Variants in RTN4R observed in about 807,000 individuals in gnomAD.
RTN4R encodes reticulon-4 receptor.
Under a neutral mutation model 27.7 loss-of-function variants are expected in RTN4R, and 4 were observed. The ratio of observed to expected loss-of-function variants is 0.14; its 90% CI spans 0.07 to 0.33. RTN4R has a LOEUF of 0.33. RTN4R is among the 10% of genes least tolerant of loss of function. RTN4R has a pLI of 1.00. For synonymous variants in RTN4R, 290 were observed against 305.6 expected (o/e 0.95, Z 0.53); for missense variants, 554 against 671.5 (o/e 0.83, Z 1.93).
chr22:20,267,967 C>A (rs1408290030), intron 1 of RTN4R, 104 bp downstream of exon 1: 4 of 641,576 alleles, frequency 6.2e-6, no homozygotes, highest in Non-Finnish European at 8.4e-6. Context: ...ACGCTTCCCT[C>A]GCCTCGGCAG....
intron 1 of RTN4R, chr22:20,243,351 C>G: frequency 1.4e-6 from 1 of 701,220 alleles, no homozygotes; most frequent in Non-Finnish European, 2.7e-6. Context: ...GCCACATCTG[C>G]AGACTCCCCA....
In RTN4R at chr22:20,255,317, G is replaced by A. The variant is rs950239465; in HGVS notation, c.23-12207C>T. ...TATCTTCCAGAAGGTGGAGACAAAT[G>A]TAGGTTAGAAGCAGGTGTCTCCAAG... On this transcript the variant is annotated intron_variant, in intron 1 of 1. Transcript: ENST00000043402. The surrounding 1 kb of genome is among the most constrained non-coding windows in gnomAD (Gnocchi z 4.8). Among the ~76,000 whole-genome samples the A allele has an allele frequency of 3.3e-5, 5 of 152,256 alleles. No homozygotes were observed. The highest frequency in any genetic ancestry group is 1.2e-4 in the African/African-American group (5 of 41,462).
chr22:20,267,635 C>T (rs1417999275), intron 1 of RTN4R: 2 of 468,106 alleles, frequency 4.3e-6, no homozygotes. Flanking sequence ...GTTCTGAGCC[C>T]AGACCGTGAG....
intron 1 of RTN4R, among the ~76,000 whole-genome samples, chr22:20,259,314 GGA>G (rs2051231090): frequency 6.6e-6 from 1 of 152,186 alleles, no homozygotes; most frequent in Non-Finnish European, 1.5e-5. Context: ...ATCTTTATGG[GGA>G]GAGTTTTTCT....
At chr22:20,260,138 G>A (rs1310729667) in intron 1 of RTN4R, among the ~76,000 whole-genome samples, 3 of 152,156 alleles carry the variant, frequency 2.0e-5, no homozygotes, top group Non-Finnish European at 4.4e-5. Flanking sequence ...GGCAGGGGAC[G>A]CACCCAGCTG....
At position 20,242,901 on chromosome 22, in the gene RTN4R, G is replaced by A. The variant is rs771911799; in HGVS notation, c.232C>T (p.Arg78Cys). The A allele has an allele frequency of 7.4e-6, 12 of 1,612,238 alleles. No homozygotes were observed. Among genetic ancestry groups the A allele is most frequent in the Middle Eastern group, 1.6e-4 (1 of 6,084 alleles). Reference sequence around the variant, plus strand: ...AGGATGGTGAGGTTGCGGCAGGCACGGAAGCTGGCAGCTGGCACATGCGAG... The same window carrying A: ...AGGATGGTGAGGTTGCGGCAGGCACAGAAGCTGGCAGCTGGCACATGCGAG... ...RISHVPAASF[R>C]ACRNLTILWL... The change falls in exon 2 of 2, where the codon CGT becomes TGT. Residue 78 changes from arginine (R) to cysteine (C), a missense_variant. Physicochemically the swap from Arg to Cys is radical, Grantham distance 180 (BLOSUM62 -3). Coordinates refer to ENST00000043402, the MANE Select transcript of RTN4R (RefSeq NM_023004.6).
At chr22:20,263,935 G>A (rs1290554595) in intron 1 of RTN4R, among the ~76,000 whole-genome samples, 4 of 152,244 alleles carry the variant, frequency 2.6e-5, no homozygotes, top group Non-Finnish European at 4.4e-5. Flanking sequence ...CAGGGGAGAG[G>A]TGGCCCCAAG....
At chr22:20,265,662 C>T (rs934014536) in intron 1 of RTN4R, among the ~76,000 whole-genome samples, 3 of 152,228 alleles carry the variant, frequency 2.0e-5, no homozygotes, top group African/African-American at 4.8e-5. Context: ...GTCCCCTCTC[C>T]ACTCACCTGT....
intron 1 of RTN4R, among the ~76,000 whole-genome samples, chr22:20,247,302 T>A (rs2051146884): frequency 6.6e-6 from 1 of 152,066 alleles, no homozygotes; most frequent in Admixed American, 6.5e-5. Flanking sequence ...GGCGGTCACG[T>A]CACAGACCAC....
At chr22:20,262,769 C>T (rs960326624) in intron 1 of RTN4R, among the ~76,000 whole-genome samples, 1 of 152,230 alleles carries the variant, frequency 6.6e-6, no homozygotes, top group Non-Finnish European at 1.5e-5. Flanking sequence ...GGTGGAGCTG[C>T]CCAAGGTCAC....
chr22:20,265,845 G>C (rs565657259), intron 1 of RTN4R, among the ~76,000 whole-genome samples: 1 of 152,194 alleles, frequency 6.6e-6, no homozygotes, highest in East Asian at 1.9e-4. Flanking sequence ...AGGGAAAGCC[G>C]GGCCAATTCC....
chr22:20,248,372 G>A (rs1182729246), intron 1 of RTN4R, among the ~76,000 whole-genome samples: 1 of 152,176 alleles, frequency 6.6e-6, no homozygotes, highest in Non-Finnish European at 1.5e-5. Flanking sequence ...CCTAACCTGA[G>A]CTCCACAGTC....
Position 20,267,833 on chromosome 22 carries a change from A to C in RTN4R, c.22+238T>G, listed in dbSNP as rs371817507. 1.5e-3 allele frequency: 526 copies of C among 351,966 alleles called. 7 individuals are homozygous for C. Among genetic ancestry groups the C allele is most frequent in the African/African-American group, 0.011 (468 of 43,844 alleles). The allele number at this position is 351,966 out of a possible 1,614,324, so 21.8% of individuals were successfully genotyped here. A position where few individuals can be genotyped will look rare whatever the true frequency, so the allele number is the denominator to read the frequency against. On this transcript the variant is annotated intron_variant, in intron 1 of 1. Coordinates refer to ENST00000043402, the MANE Select transcript of RTN4R (RefSeq NM_023004.6). ...GGACCGCCACCCTCGGCCCTGCCGA[A>C]GCCGTCAACTTTCCCGGGAAGCGGC...
At chr22:20,243,336 T>C in intron 1 of RTN4R, 1 of 701,762 alleles carries the variant, frequency 1.4e-6, no homozygotes, top group Non-Finnish European at 2.6e-6. Flanking sequence ...CACTCCACCC[T>C]GGAAGCCACA....
intron 1 of RTN4R, among the ~76,000 whole-genome samples, chr22:20,247,210 G>A (rs1012551849): frequency 2.0e-5 from 3 of 152,264 alleles, no homozygotes; most frequent in South Asian, 2.1e-4. Flanking sequence ...AGAGGGCTGG[G>A]GCTGGGGGTG....
At chr22:20,251,228 C>T (rs544013830) in intron 1 of RTN4R, among the ~76,000 whole-genome samples, 133 of 152,020 alleles carry the variant, frequency 8.7e-4, no homozygotes, top group Middle Eastern at 3.4e-3. Context: ...TGGGCAGATC[C>T]GTGTCGATGT....
At chr22:20,252,366 G>A (rs557284498) in intron 1 of RTN4R, among the ~76,000 whole-genome samples, 4 of 152,334 alleles carry the variant, frequency 2.6e-5, no homozygotes, top group African/African-American at 7.2e-5. Flanking sequence ...ACAAGGGATG[G>A]GGAGTAAGAA....
intron 1 of RTN4R, among the ~76,000 whole-genome samples, chr22:20,257,328 A>T (rs1012037622): frequency 6.6e-6 from 1 of 152,208 alleles, no homozygotes; most frequent in Non-Finnish European, 1.5e-5. Flanking sequence ...TCGAAGCCCT[A>T]ACCCCCAGTG....
chr22:20,257,291 T>C (rs576341372), intron 1 of RTN4R, among the ~76,000 whole-genome samples: 3 of 152,330 alleles, frequency 2.0e-5, no homozygotes, highest in Admixed American at 2.0e-4. Flanking sequence ...TACAGCTCCA[T>C]GTCTGCGTCT....
Sources: gnomAD v4.1 joint callset for allele counts (sites outside exome capture counted in the v4.1 genomes callset) on GRCh38, gnomAD v4.1.1 for gene constraint, Gnocchi (gnomAD v3.1) non-coding constraint, MANE v1.5 for transcripts, NCBI Gene and HGNC (gene_info 2026-07-23, HGNC 2026-07-21) for gene names.